MEI4: variants seen among roughly 807,000 people sequenced by gnomAD.
MEI4 encodes meiotic double-stranded break formation protein 4, also known as meiosis-specific protein MEI4.
MEI4 carries 27 observed loss-of-function variants against 31.4 expected under a neutral mutation model. The observed-to-expected ratio is 0.86, with a 90% CI of 0.63 to 1.19. MEI4 has a LOEUF of 1.19. Ranked by LOEUF, MEI4 falls within the 50% of genes most tolerant of loss-of-function variation. The probability of loss-of-function intolerance (pLI) is 0.00; values close to 1 mark genes in which losing one functional copy is unlikely to be tolerated. For missense variants in MEI4, 329 were observed against 398.9 expected, an observed-to-expected ratio of 0.82 and a Z score of 1.49; for synonymous variants, 122 against 145.4, an observed-to-expected ratio of 0.84 and a Z score of 1.16.
At chr6:77,669,574 A>G (rs1229497074) in intron 1 of MEI4, among the ~76,000 whole-genome samples, 2 of 146,592 alleles carry the variant, frequency 1.4e-5, no homozygotes, top group Non-Finnish European at 3.0e-5. Context: ...TGGATACTGA[A>G]CTAGTCTTAA....
At chr6:77,732,532 A>G (rs1767033648) in intron 2 of MEI4, among the ~76,000 whole-genome samples, 1 of 148,690 alleles carries the variant, frequency 6.7e-6, no homozygotes, top group African/African-American at 2.4e-5. Context: ...TTTTGGGCTG[A>G]GACAAGGGGT....
At chr6:77,895,970 G>A (rs915161740) in intron 4 of MEI4, among the ~76,000 whole-genome samples, 1 of 152,126 alleles carries the variant, frequency 6.6e-6, no homozygotes, top group Admixed American at 6.6e-5. Flanking sequence ...GATGATGGAA[G>A]TCCAGACTAA....
At chr6:77,916,692 C>T (rs1766557478) in intron 4 of MEI4, among the ~76,000 whole-genome samples, 1 of 152,012 alleles carries the variant, frequency 6.6e-6, no homozygotes. Flanking sequence ...CCATTAGAAA[C>T]CAGTATGTAT....
intron 2 of MEI4, among the ~76,000 whole-genome samples, chr6:77,741,260 A>G (rs1332488560): frequency 6.6e-6 from 1 of 152,196 alleles, no homozygotes; most frequent in Non-Finnish European, 1.5e-5. Context: ...CCACACAGTG[A>G]AAGGCTTTCT....
chr6:77,769,895 T>C (rs551824667), intron 3 of MEI4, among the ~76,000 whole-genome samples: 1 of 152,092 alleles, frequency 6.6e-6, no homozygotes, highest in South Asian at 2.1e-4. Context: ...CAGAGCCATG[T>C]TGGCTTCAGG....
At position 77,862,489 on chromosome 6, in the gene MEI4, T is replaced by C. The variant is rs920996771; in HGVS notation, c.900+33427T>C. 3.9e-5 allele frequency among the ~76,000 whole-genome samples: 6 copies of C among 152,274 alleles called. No individual in the cohort carries two copies. In the East Asian group the frequency reaches 1.2e-3, roughly 29 times the overall value. On this transcript the variant is annotated intron_variant, in intron 4 of 4. Transcript: ENST00000684080. ...GCCTTGCTCTTTGCTAGCACAGCAG[T>C]CTGAGATCAAACTGCAAGGTGGCAG...
At chr6:77,853,135 T>C in intron 4 of MEI4, among the ~76,000 whole-genome samples, 1 of 150,300 alleles carries the variant, frequency 6.7e-6, no homozygotes, top group East Asian at 2.0e-4. Context: ...GAGGTGGAGG[T>C]TGCAGTGAGC....
chr6:77,709,497 A>T (rs1214288117), intron 2 of MEI4, among the ~76,000 whole-genome samples: 1 of 152,162 alleles, frequency 6.6e-6, no homozygotes, highest in Non-Finnish European at 1.5e-5. Flanking sequence ...ATACATGTAA[A>T]ATGTTAACAT....
chr6:77,740,769 C>T (rs1022874553), intron 2 of MEI4, among the ~76,000 whole-genome samples: 5 of 151,692 alleles, frequency 3.3e-5, no homozygotes, highest in African/African-American at 9.7e-5. Flanking sequence ...TATAGACACA[C>T]ACATATTTAT....
chr6:77,790,583 A>G (rs1768894334), intron 3 of MEI4, among the ~76,000 whole-genome samples: 1 of 152,068 alleles, frequency 6.6e-6, no homozygotes, highest in Admixed American at 6.6e-5. Context: ...AAAATTAACA[A>G]AATACATATT....
chr6:77,728,807 G>A (rs1766893863), intron 2 of MEI4, among the ~76,000 whole-genome samples: 1 of 152,212 alleles, frequency 6.6e-6, no homozygotes, highest in Non-Finnish European at 1.5e-5. Flanking sequence ...TGAGGCCAGA[G>A]AGGAGACAGA....
chr6:77,664,508 A>G (rs1768581174), intron 1 of MEI4, among the ~76,000 whole-genome samples: 1 of 152,144 alleles, frequency 6.6e-6, no homozygotes, highest in South Asian at 2.1e-4. Context: ...CGAAACTGTA[A>G]GCCCCACCAG....
intron 2 of MEI4, among the ~76,000 whole-genome samples, chr6:77,727,480 TAAG>T (rs935490582): frequency 6.6e-5 from 10 of 152,280 alleles, no homozygotes; most frequent in African/African-American, 2.2e-4. Context: ...CCAAAATAAA[TAAG>T]AAGAAGGTGT....
chr6:77,747,473 T>G (rs770570086), intron 2 of MEI4, among the ~76,000 whole-genome samples: 1 of 151,824 alleles, frequency 6.6e-6, no homozygotes, highest in Non-Finnish European at 1.5e-5. Context: ...TGGCAGCAGG[T>G]GAGAGAGAGA....
intron 4 of MEI4, among the ~76,000 whole-genome samples, chr6:77,892,537 C>G (rs904159010): frequency 6.6e-6 from 1 of 152,032 alleles, no homozygotes; most frequent in African/African-American, 2.4e-5. Context: ...CAGGTGTTCT[C>G]TGGCCCTACT....
chr6:77,837,685 G>A (rs6914983), intron 4 of MEI4, among the ~76,000 whole-genome samples: 47 of 152,184 alleles, frequency 3.1e-4, no homozygotes, highest in African/African-American at 1.1e-3. Context: ...TACATAAAAT[G>A]TTTGCCAATT....
intron 4 of MEI4, among the ~76,000 whole-genome samples, chr6:77,904,897 T>A (rs1007620595): frequency 6.6e-6 from 1 of 152,164 alleles, no homozygotes; most frequent in African/African-American, 2.4e-5. Flanking sequence ...TAGTATTTTT[T>A]CTTTTAGGCT....
chr6:77,922,969 CAGA>C lies in MEI4; in HGVS notation c.901-117_901-115del, dbSNP rs563558727. The C allele has an allele frequency of 1.3e-4, 62 of 486,378 alleles. No individual in the cohort carries two copies. The South Asian group carries it at 5.7e-3, about 45-fold the overall frequency. 30.1% of individuals were successfully genotyped at this position (486,378 alleles called of 1,614,324 possible). A position where few individuals can be genotyped will look rare whatever the true frequency, so the allele number is the denominator to read the frequency against. On this transcript the variant is annotated intron_variant, in intron 4 of 4. Coordinates refer to ENST00000684080, the MANE Select transcript of MEI4 (RefSeq NM_001322247.2). ...CCCTTGTTCACCAGTGACAGGATGA[CAGA>C]AGGTGTTAAATATTTCAAATATATT...
chr6:77,680,247 C>T (rs933215485), intron 1 of MEI4, among the ~76,000 whole-genome samples: 2 of 151,272 alleles, frequency 1.3e-5, no homozygotes, highest in African/African-American at 4.9e-5. Context: ...CCACCGCACT[C>T]TAGCCTGGGC....
Sources: gnomAD v4.1 joint callset for allele counts (sites outside exome capture counted in the v4.1 genomes callset) on GRCh38, gnomAD v4.1.1 for gene constraint, MANE v1.5 for transcripts, NCBI Gene and HGNC (gene_info 2026-07-23, HGNC 2026-07-21) for gene names.